The following MED13L variants were observed in gnomAD, a reference collection of about 807,000 sequenced individuals.
MED13L encodes the protein mediator of RNA polymerase II transcription subunit 13-like.
MED13L carries 7 observed loss-of-function variants against 220.9 expected under a neutral mutation model. The observed-to-expected ratio is 0.03, with a 90% CI of 0.02 to 0.06. MED13L has a LOEUF of 0.06. Among genes scored for constraint, MED13L ranks in the 10% least tolerant of loss-of-function variants. MED13L has a pLI of 1.00. For synonymous variants in MED13L, 1,011 were observed against 1,015.2 expected, an observed-to-expected ratio of 1.00 and a Z score of 0.08; for missense variants, 1,965 against 2,760.5, an observed-to-expected ratio of 0.71 and a Z score of 6.46.
chr12:116,040,742 C>T (rs961535905), intron 4 of MED13L, among the ~76,000 whole-genome samples: 2 of 148,874 alleles, frequency 1.3e-5, no homozygotes, highest in Admixed American at 6.7e-5. Context: ...TAGTATACAG[C>T]ATATAGAGTT....
intron 4 of MED13L, among the ~76,000 whole-genome samples, chr12:116,096,377 A>AAAAAAAAAAAC (rs1872643817): frequency 6.8e-6 from 1 of 148,028 alleles, no homozygotes; most frequent in African/African-American, 2.5e-5. Context: ...AAAAAAAAAA[A>AAAAAAAAAAAC]AAAAGTCAAA....
At chr12:116,040,136 TGTG>T (rs1881436862) in intron 4 of MED13L, among the ~76,000 whole-genome samples, 1 of 152,170 alleles carries the variant, frequency 6.6e-6, no homozygotes, top group Non-Finnish European at 1.5e-5. Context: ...AAAAGAAAAT[TGTG>T]GTGTTTTTTT....
At chr12:116,058,852 C>T (rs1869192604) in intron 4 of MED13L, among the ~76,000 whole-genome samples, 1 of 152,064 alleles carries the variant, frequency 6.6e-6, no homozygotes. Flanking sequence ...GTGTTTCATG[C>T]CTTTTTGCAG....
At chr12:116,183,057 A>G (rs971600521) in intron 2 of MED13L, among the ~76,000 whole-genome samples, 14 of 152,252 alleles carry the variant, frequency 9.2e-5, no homozygotes, top group African/African-American at 3.4e-4. Context: ...AAATTTGAAA[A>G]AAAAATGACC....
chr12:116,151,513 A>G (rs1356139489), intron 2 of MED13L, among the ~76,000 whole-genome samples: 2 of 152,246 alleles, frequency 1.3e-5, no homozygotes, highest in Admixed American at 1.3e-4. Flanking sequence ...AAAGCACAGT[A>G]CAAACTATAT....
intron 2 of MED13L, among the ~76,000 whole-genome samples, chr12:116,229,253 A>G (rs900113423): frequency 6.6e-6 from 1 of 152,236 alleles, no homozygotes; most frequent in Admixed American, 6.5e-5. Flanking sequence ...TTAAAAAACA[A>G]TATACCAAAT....
At chr12:116,271,634 A>T (rs914829945) in intron 1 of MED13L, among the ~76,000 whole-genome samples, 3 of 152,214 alleles carry the variant, frequency 2.0e-5, no homozygotes, top group Admixed American at 1.3e-4. Context: ...TCAAAAAAAA[A>T]AAAAAAAGAA....
chr12:116,258,047 G>A (rs1472813768), intron 1 of MED13L, among the ~76,000 whole-genome samples: 1 of 152,100 alleles, frequency 6.6e-6, no homozygotes, highest in African/African-American at 2.4e-5. Context: ...CTTAGCACTT[G>A]TACTAAATTA....
chr12:116,113,473 CAA>C (rs1382333348), intron 2 of MED13L, among the ~76,000 whole-genome samples: 2 of 121,118 alleles, frequency 1.7e-5, no homozygotes, highest in African/African-American at 3.1e-5. Context: ...CCCATCTCTA[CAA>C]AAAAAAAAAA....
chr12:116,152,502 T>C (rs1024570536), intron 2 of MED13L, among the ~76,000 whole-genome samples: 2 of 152,160 alleles, frequency 1.3e-5, no homozygotes, highest in African/African-American at 4.8e-5. Context: ...ACATTTCATA[T>C]CATCCTTGGG....
chr12:116,109,937 A>AT (rs1873932956), intron 3 of MED13L, among the ~76,000 whole-genome samples: 1 of 152,208 alleles, frequency 6.6e-6, no homozygotes. Flanking sequence ...CTTAAATAAC[A>AT]TATCAACTGT....
At position 116,204,115 on chromosome 12, in the gene MED13L, C is replaced by T. The variant is rs140532779; in HGVS notation, c.310+33353G>A. 7.9e-5 allele frequency among the ~76,000 whole-genome samples: 12 copies of T among 152,292 alleles called. No individual in the cohort carries two copies. In the East Asian group the frequency reaches 2.3e-3, roughly 29 times the overall value. On this transcript the variant is annotated intron_variant, in intron 2 of 30. Coordinates refer to ENST00000281928, the MANE Select transcript of MED13L (RefSeq NM_015335.5). ...GATCTGCTTCCAAAAGTCAACCTAA[C>T]TCAAAGTTTCTGCACATGAACCACA...
intron 3 of MED13L, 123 bp downstream of exon 3, chr12:116,111,305 G>GT: frequency 2.5e-6 from 2 of 790,738 alleles, no homozygotes; most frequent in Non-Finnish European, 4.3e-6. Flanking sequence ...AAAGATTTAT[G>GT]TAATTTTCAT....
intron 1 of MED13L, among the ~76,000 whole-genome samples, chr12:116,270,154 T>A (rs1418364143): frequency 1.3e-5 from 2 of 152,054 alleles, no homozygotes; most frequent in Non-Finnish European, 2.9e-5. Flanking sequence ...AATTTTTTTT[T>A]TTTTTTGAGA....
intron 2 of MED13L, among the ~76,000 whole-genome samples, chr12:116,223,714 A>T (rs1324775082): frequency 6.6e-6 from 1 of 152,192 alleles, no homozygotes; most frequent in Non-Finnish European, 1.5e-5. Context: ...CAAAAATAAA[A>T]TAAAAAATAA....
At chr12:115,997,279 A>C in intron 14 of MED13L, 49 bp from the exon 15 acceptor site, 1 of 1,535,014 alleles carries the variant, frequency 6.5e-7, no homozygotes, top group Non-Finnish European at 9.0e-7. Flanking sequence ...GGGCTTCTAA[A>C]AAGTCCTAGC....
At chr12:115,975,777 T>C (rs923851470) in intron 23 of MED13L, 39 bp from the exon 24 acceptor site, 43 of 1,580,764 alleles carry the variant, frequency 2.7e-5, no homozygotes, top group Non-Finnish European at 3.6e-5. Flanking sequence ...TACAAAGCCA[T>C]ACAACTTAAT....
chr12:116,190,761 T>C (rs1284917467), intron 2 of MED13L, among the ~76,000 whole-genome samples: 3 of 152,162 alleles, frequency 2.0e-5, no homozygotes, highest in African/African-American at 7.2e-5. Flanking sequence ...AATCAAAGTA[T>C]GAGACTTTCC....
chr12:116,106,172 C>G (rs777191896), intron 3 of MED13L, among the ~76,000 whole-genome samples: 3 of 152,198 alleles, frequency 2.0e-5, no homozygotes, highest in Non-Finnish European at 4.4e-5. Context: ...TACAGCATAA[C>G]TGAGCCTAAC....
Sources: allele counts gnomAD v4.1 joint callset (sites outside exome capture counted in the v4.1 genomes callset), GRCh38; gene constraint gnomAD v4.1.1; transcripts MANE v1.5; gene names NCBI Gene and HGNC (gene_info 2026-07-23, HGNC 2026-07-21).